The following JAG2 variants were observed in gnomAD, a reference collection of about 807,000 sequenced individuals.
The protein encoded by JAG2 is jagged canonical Notch ligand 2.
In JAG2, 46 loss-of-function variants were observed where a neutral mutation model predicts 141.7. The ratio of observed to expected loss-of-function variants is 0.32; its 90% CI spans 0.26 to 0.42. The LOEUF is 0.42. Ranked by LOEUF, JAG2 falls within the 10% of genes least tolerant of loss-of-function variation. JAG2 has a pLI of 1.00. For missense variants in JAG2, 1,500 were observed against 1,817.5 expected (o/e 0.83, Z 3.18); for synonymous variants, 862 against 763.5 (o/e 1.13, Z -2.13).
intron 2 of JAG2, among the ~76,000 whole-genome samples, chr14:105,165,679 G>A (rs1269781746): frequency 6.6e-6 from 1 of 152,184 alleles, no homozygotes; most frequent in African/African-American, 2.4e-5. Context: ...GAGTCACTCA[G>A]GGGGCAGGGG....
Position 105,146,461 on chromosome 14 carries a change from G to T in JAG2, c.2633C>A (p.Pro878Gln). ...FGRSCWSRGT[P>Q]FPHGSSWVED... The stretch of plus-strand genomic sequence containing the variant: ...CACCCAGGAGCTTCCGTGTGGGAAC[G>T]GAGTGCCCCGGGACCAGCAGGATCT... The change falls in exon 22 of 26, where the codon CCG becomes CAG. Residue 878 changes from proline (P) to glutamine (Q), a missense_variant. This residue lies in a region of JAG2 where 875 missense variants were observed against 1,202.2 expected (regional missense o/e 0.73). Transcript: ENST00000331782. The T allele has an allele frequency of 6.2e-7, 1 of 1,612,768 alleles. No homozygotes were observed. Among genetic ancestry groups the T allele is most frequent in the Non-Finnish European group, 8.5e-7 (1 of 1,179,900 alleles).
rs774069602 is a variant in JAG2 at position 105,155,639 on chromosome 14, G to A, written c.728-17C>T. On this transcript the variant is annotated splice_polypyrimidine_tract_variant and intron_variant, in intron 4 of 25. Transcript: ENST00000331782. The stretch of plus-strand genomic sequence containing the variant: ...TACACACAGCTGCGAACAGAGAGGA[G>A]CGAGAGGCACAGCTGCAGCCAGCCT... 15 of 1,612,652 alleles carry A rather than the reference G, an allele frequency of 9.3e-6. No homozygotes were observed. In the South Asian group the frequency reaches 1.5e-4, roughly 17 times the overall value.
intron 2 of JAG2, among the ~76,000 whole-genome samples, chr14:105,164,835 G>A (rs587678988): frequency 9.7e-4 from 148 of 152,272 alleles, no homozygotes; most frequent in South Asian, 5.8e-3. Context: ...TGAAAAAGCG[G>A]CAGTGTGCCC....
In JAG2 at chr14:105,152,264, G is replaced by A. The variant is rs1251796033; in HGVS notation, c.816C>T (p.Phe272=). 4 of 1,613,112 alleles carry A rather than the reference G, an allele frequency of 2.5e-6. No homozygotes were observed. Among genetic ancestry groups the A allele is most frequent in the Non-Finnish European group, 3.4e-6 (4 of 1,179,970 alleles). ...CGGGGTAGGGGACACACTCATCGCAGAACCTCCCTTGCCAGCCGTAGCTGC... is the reference window on the plus strand; with the variant it reads ...CGGGGTAGGGGACACACTCATCGCAAAACCTCCCTTGCCAGCCGTAGCTGC... ...CRCSYGWQGR[F]CDECVPYPGC... The change falls in exon 6 of 26, where the codon TTC becomes TTT. Residue 272 remains phenylalanine, a synonymous_variant. Coordinates refer to ENST00000331782, the MANE Select transcript of JAG2 (RefSeq NM_002226.5).
At chr14:105,157,811 G>A (rs1158452626) in intron 2 of JAG2, 48 bp from the exon 3 acceptor site, 4 of 1,504,820 alleles carry the variant, frequency 2.7e-6, no homozygotes, top group Admixed American at 3.9e-5. Flanking sequence ...ACACCTGCCT[G>A]CCTCGTTCAG....
intron 22 of JAG2, among the ~76,000 whole-genome samples, 182 bp from the exon 23 acceptor site, chr14:105,146,155 G>C (rs1186793743): frequency 6.6e-6 from 1 of 152,166 alleles, no homozygotes. Flanking sequence ...GGCCAAGCTC[G>C]ACATCAGAAA....
intron 2 of JAG2, 137 bp from the exon 3 acceptor site, chr14:105,157,900 C>A: frequency 1.3e-6 from 1 of 779,818 alleles, no homozygotes; most frequent in African/African-American, 1.7e-5. Context: ...CAGGGACCCA[C>A]CACCCTCCTC....
At chr14:105,151,164 GGGCACCT>G (rs1566763707) in intron 9 of JAG2, 60 bp from the exon 10 acceptor site, 1 of 1,535,168 alleles carries the variant, frequency 6.5e-7, no homozygotes. Context: ...CCTGCAGCAC[GGGCACCT>G]GGCACCCGCA....
At chr14:105,163,617 G>A (rs1349621157) in intron 2 of JAG2, among the ~76,000 whole-genome samples, 17 of 142,584 alleles carry the variant, frequency 1.2e-4, no homozygotes, top group African/African-American at 4.6e-4. Flanking sequence ...CTCCGCTCAG[G>A]CCTGTGGTCT....
intron 2 of JAG2, among the ~76,000 whole-genome samples, chr14:105,159,511 C>T (rs1018311349): frequency 3.3e-5 from 5 of 151,902 alleles, no homozygotes; most frequent in African/African-American, 9.7e-5. Context: ...TGCCTACAGG[C>T]GCCAGACAAT....
intron 21 of JAG2, 53 bp downstream of exon 21, chr14:105,146,558 G>A: frequency 6.2e-7 from 1 of 1,605,266 alleles, no homozygotes; most frequent in South Asian, 1.1e-5. Context: ...GGGGCTGGGT[G>A]TCACCCATGC....
At position 105,167,987 on chromosome 14, in the gene JAG2, C is replaced by G; in HGVS notation, c.187G>C (p.Gly63Arg). 1.9e-6 allele frequency: 3 copies of G among 1,602,218 alleles called. No individual in the cohort carries two copies. The highest frequency in any genetic ancestry group is 2.5e-6 in the Non-Finnish European group (3 of 1,177,534). The change falls in exon 2 of 26, where the codon GGC becomes CGC. Residue 63 changes from glycine to arginine, a missense_variant. Around this residue, in one of 3 missense-constraint regions of JAG2, gnomAD observed 200 missense variants for 174.3 expected, o/e 1.15. Coordinates refer to ENST00000331782, the MANE Select transcript of JAG2 (RefSeq NM_002226.5). This position sits in a 1 kb window ranked among gnomAD's most constrained non-coding sequence, Gnocchi z 4.8. ...ACGTACGTGTCGCACTCGTCGTGGC[C>G]GCAGCCCCCCGCGCGCGTTGTCCGG... is the stretch of plus-strand genomic sequence containing the variant. ...DGRTTRAGGC[G>R]HDECDTYVRV...
At chr14:105,163,940 C>A (rs1197903321) in intron 2 of JAG2, among the ~76,000 whole-genome samples, 1 of 152,220 alleles carries the variant, frequency 6.6e-6, no homozygotes, top group South Asian at 2.1e-4. Context: ...TTCCTGCCCC[C>A]ACTCCACCAC....
rs1366219855 is a variant in JAG2 at position 105,155,748 on chromosome 14, C to T, written c.717G>A (p.Glu239=). 1.2e-6 allele frequency: 2 copies of T among 1,612,792 alleles called. No homozygotes were observed. The highest frequency in any genetic ancestry group is 1.1e-5 in the South Asian group (1 of 91,084). ...KACMDGWMGK[E]CKEAVCKQGC... is the part of the protein sequence containing the mutation. ...CAGCGGCCCCCTCACCTTCCTTGCA[C>T]TCCTTGCCCATCCAGCCGTCCATGC... Residue 239 remains glutamate (E), a synonymous_variant, in exon 4 of 26, where the codon GAG becomes GAA. Transcript: ENST00000331782.
Position 105,168,364 on chromosome 14 carries a change from G to T in JAG2, c.57C>A (p.Leu19=), listed in dbSNP as rs1475836367. 3 of 940,932 alleles carry T rather than the reference G, an allele frequency of 3.2e-6. No homozygotes were observed. The highest frequency in any genetic ancestry group is 2.5e-5 in the South Asian group (1 of 40,332). 58.3% of individuals were successfully genotyped at this position (940,932 alleles called of 1,614,324 possible). The change falls in exon 1 of 26, where the codon CTC becomes CTA. Residue 19 remains leucine (L), a synonymous_variant. Coordinates refer to ENST00000331782, the MANE Select transcript of JAG2 (RefSeq NM_002226.5). ...CCGCCGCCCCGCTCACCTGCACCCA[G>T]AGCGCCAGCAGCAGCAGCAGCCGCC... ...LPRRLLLLLA[L]WVQAARPMGY...
At position 105,168,069 on chromosome 14, in the gene JAG2, G is replaced by C. The variant is rs1888976713; in HGVS notation, c.105C>G (p.Ser35Arg). 4 of 1,588,644 alleles carry C rather than the reference G, an allele frequency of 2.5e-6. No homozygotes were observed. The highest frequency in any genetic ancestry group is 2.3e-5 in the East Asian group (1 of 43,800). Reference sequence around the variant, plus strand: ...GCTCCCCGTTCACGTTCCGCAGCGCGCTCAGCTGCAGCTCGAAATAGCCCA... The same window carrying C: ...GCTCCCCGTTCACGTTCCGCAGCGCCCTCAGCTGCAGCTCGAAATAGCCCA... ...RPMGYFELQL[S>R]ALRNVNGELL... The change falls in exon 2 of 26, where the codon AGC (serine) becomes AGG (arginine). Residue 35 changes from serine (S) to arginine (R), a missense_variant. Coordinates refer to ENST00000331782, the MANE Select transcript of JAG2 (RefSeq NM_002226.5).
At chr14:105,150,487 T>A (rs1888387651) in intron 12 of JAG2, 117 bp downstream of exon 12, 1 of 1,099,120 alleles carries the variant, frequency 9.1e-7, no homozygotes, top group Non-Finnish European at 1.3e-6. Flanking sequence ...TGGGACGCCT[T>A]GGGGACAACT....
chr14:105,159,569 C>T (rs1888671672), intron 2 of JAG2, among the ~76,000 whole-genome samples: 3 of 148,372 alleles, frequency 2.0e-5, no homozygotes, highest in South Asian at 2.1e-4. Context: ...CCACACCCCC[C>T]GCCGAGCTCT....
intron 2 of JAG2, among the ~76,000 whole-genome samples, chr14:105,166,605 G>A (rs189448918): frequency 4.9e-4 from 75 of 152,336 alleles, no homozygotes; most frequent in Non-Finnish European, 7.8e-4. Context: ...CTCAGGAAGC[G>A]GTGAGGATGG....
Sources: allele counts gnomAD v4.1 joint callset (sites outside exome capture counted in the v4.1 genomes callset), GRCh38; gene constraint gnomAD v4.1.1; regional missense constraint gnomAD v4.1.1; non-coding constraint Gnocchi (gnomAD v3.1); transcripts MANE v1.5; gene names NCBI Gene and HGNC (gene_info 2026-07-23, HGNC 2026-07-21).